LRRTM3: variants seen among roughly 807,000 people sequenced by gnomAD.
The protein encoded by LRRTM3 is leucine rich repeat transmembrane neuronal 3, also known as leucine-rich repeat transmembrane neuronal protein 3.
A neutral mutation model predicts 44.7 loss-of-function variants in LRRTM3; 24 were observed. The observed-to-expected ratio is 0.54, with a 90% confidence interval of 0.39 to 0.76. The LOEUF (loss-of-function observed/expected upper bound fraction) is 0.76, where lower values mean the gene tolerates loss of function less well. Among genes scored for constraint, LRRTM3 ranks in the 30% least tolerant of loss-of-function variants. LRRTM3 has a pLI of 0.00. For missense variants in LRRTM3, 587 were observed against 702.2 expected (o/e 0.84, Z 1.85); for synonymous variants, 277 against 278.7 (o/e 0.99, Z 0.06).
intron 2 of LRRTM3, among the ~76,000 whole-genome samples, chr10:67,074,977 G>A (rs1361103719): frequency 1.3e-5 from 2 of 152,138 alleles, no homozygotes; most frequent in African/African-American, 4.8e-5. Flanking sequence ...AGCAATATCT[G>A]TGTAATTGAT....
At chr10:67,025,037 G>C (rs917305403) in intron 2 of LRRTM3, among the ~76,000 whole-genome samples, 2 of 151,084 alleles carry the variant, frequency 1.3e-5, no homozygotes, top group African/African-American at 4.9e-5. Context: ...GGCTGAGGCA[G>C]GAGAATCACT....
At chr10:67,022,580 C>T (rs1482833589) in intron 2 of LRRTM3, among the ~76,000 whole-genome samples, 3 of 152,072 alleles carry the variant, frequency 2.0e-5, no homozygotes, top group Non-Finnish European at 4.4e-5. Context: ...TTGCAGTGTA[C>T]AAAGTCAATA....
rs571998536 is a variant in LRRTM3, at chr10:67,003,633, T to C, written c.1536+75181T>C. On this transcript the variant is annotated intron_variant, in intron 2 of 2. Transcript: ENST00000361320. ...AACTTACTTAACCATGAAACCTATTTCATATTACTTTTTCAAGTGAGTCTT... is the reference window on the plus strand; with the variant it reads ...AACTTACTTAACCATGAAACCTATTCCATATTACTTTTTCAAGTGAGTCTT... Among the ~76,000 whole-genome samples, 26 of 152,272 alleles carry C rather than the reference T, an allele frequency of 1.7e-4. No individual in the cohort carries two copies. The East Asian group carries it at 5.0e-3, about 29-fold the overall frequency.
intron 2 of LRRTM3, among the ~76,000 whole-genome samples, chr10:67,079,924 C>T (rs1045582879): frequency 1.3e-5 from 2 of 151,216 alleles, no homozygotes; most frequent in Admixed American, 1.3e-4. Context: ...TAGTCACTAA[C>T]ACACAGCAGC....
At chr10:67,001,470 G>A (rs1431464388) in intron 2 of LRRTM3, among the ~76,000 whole-genome samples, 2 of 151,614 alleles carry the variant, frequency 1.3e-5, no homozygotes, top group African/African-American at 2.4e-5. Context: ...GAAGGATGGG[G>A]AAATGGGAAT....
chr10:67,014,385 T>C (rs59891452), intron 2 of LRRTM3, among the ~76,000 whole-genome samples: 1,587 of 152,300 alleles, frequency 0.01, 28 homozygotes, highest in African/African-American at 0.035. Flanking sequence ...ACTTCCTAAT[T>C]GTATAACCTG....
rs763420644 is a variant in LRRTM3, at chr10:66,927,786, C to A, written c.870C>A (p.Leu290=). The change falls in exon 2 of 3, where the codon CTC becomes CTA. Residue 290 remains leucine, a synonymous_variant. Transcript: ENST00000361320. The surrounding 1 kb of genome is among the most constrained non-coding windows in gnomAD (Gnocchi z 4.7). ...LQRLNLDSNK[L]TFIGQEILDS... ...GCCTCAACCTGGATTCCAACAAGCTCACATTTATTGGTCAAGAGATTTTGG... is the reference window on the plus strand; with the variant it reads ...GCCTCAACCTGGATTCCAACAAGCTAACATTTATTGGTCAAGAGATTTTGG... 8 of 1,614,060 alleles carry A rather than the reference C, an allele frequency of 5.0e-6. No homozygotes were observed. In the Admixed American group the frequency reaches 1.3e-4, roughly 27 times the overall value.
chr10:67,047,883 A>G (rs1854850595), intron 2 of LRRTM3, among the ~76,000 whole-genome samples: 1 of 152,088 alleles, frequency 6.6e-6, no homozygotes, highest in South Asian at 2.1e-4. Context: ...AAACAAAAAA[A>G]CAAAACAAAA....
intron 2 of LRRTM3, among the ~76,000 whole-genome samples, chr10:67,003,862 C>T (rs1039348014): frequency 1.3e-5 from 2 of 152,178 alleles, no homozygotes; most frequent in African/African-American, 4.8e-5. Flanking sequence ...ATTTGCAATG[C>T]ATCAGCCAAA....
chr10:66,935,743 T>C (rs537156884), intron 2 of LRRTM3, among the ~76,000 whole-genome samples: 10 of 152,066 alleles, frequency 6.6e-5, no homozygotes, highest in African/African-American at 2.2e-4. Flanking sequence ...TATCTAATGA[T>C]TTGATAAAAA....
intron 2 of LRRTM3, among the ~76,000 whole-genome samples, chr10:66,975,102 T>C (rs1849957036): frequency 6.6e-6 from 1 of 152,294 alleles, no homozygotes; most frequent in East Asian, 1.9e-4. Flanking sequence ...GGTCATTCTT[T>C]AGTCCCATTT....
At chr10:67,017,150 T>A (rs1190610725) in intron 2 of LRRTM3, among the ~76,000 whole-genome samples, 3 of 152,234 alleles carry the variant, frequency 2.0e-5, no homozygotes, top group African/African-American at 7.2e-5. Flanking sequence ...ATATTCATAG[T>A]ATGAAAATAT....
At chr10:66,994,195 G>T (rs2132947484) in intron 2 of LRRTM3, among the ~76,000 whole-genome samples, 1 of 152,184 alleles carries the variant, frequency 6.6e-6, no homozygotes, top group Non-Finnish European at 1.5e-5. Context: ...ATGTAAAGGA[G>T]CAACTACCCA....
At chr10:67,002,065 C>CT (rs901779504) in intron 2 of LRRTM3, among the ~76,000 whole-genome samples, 20 of 152,168 alleles carry the variant, frequency 1.3e-4, no homozygotes, top group Non-Finnish European at 7.4e-5. Flanking sequence ...GCTTTATTAA[C>CT]TTTTAGGAGC....
chr10:67,033,809 C>T (rs1039167427), intron 2 of LRRTM3, among the ~76,000 whole-genome samples: 1 of 152,046 alleles, frequency 6.6e-6, no homozygotes, highest in Admixed American at 6.6e-5. Flanking sequence ...CTCACTCTGT[C>T]GCCCAGGCTG....
At chr10:67,093,359 G>A (rs898327455) in intron 2 of LRRTM3, among the ~76,000 whole-genome samples, 2 of 151,866 alleles carry the variant, frequency 1.3e-5, no homozygotes, top group African/African-American at 4.8e-5. Flanking sequence ...AAAATGGGAC[G>A]ATAAGCATAA....
chr10:66,998,260 T>G (rs1484735217), intron 2 of LRRTM3, among the ~76,000 whole-genome samples: 12 of 152,162 alleles, frequency 7.9e-5, no homozygotes, highest in Non-Finnish European at 1.5e-4. Flanking sequence ...AATAAGTGCC[T>G]CCTTACTCTA....
chr10:66,959,015 C>A (rs968369815), intron 2 of LRRTM3, among the ~76,000 whole-genome samples: 1 of 151,984 alleles, frequency 6.6e-6, no homozygotes, highest in African/African-American at 2.4e-5. Context: ...TTCTACAGAC[C>A]CTTCTCTCTT....
intron 2 of LRRTM3, among the ~76,000 whole-genome samples, chr10:67,035,806 A>G (rs1854011809): frequency 7.2e-6 from 1 of 139,684 alleles, no homozygotes; most frequent in South Asian, 2.3e-4. Context: ...TTAAAAAAAA[A>G]TCCATAGCTG....
Sources: gnomAD v4.1 joint callset for allele counts (sites outside exome capture counted in the v4.1 genomes callset) on GRCh38, gnomAD v4.1.1 for gene constraint, Gnocchi (gnomAD v3.1) non-coding constraint, MANE v1.5 for transcripts, NCBI Gene and HGNC (gene_info 2026-07-23, HGNC 2026-07-21) for gene names.